ASMT: variants seen among roughly 807,000 people sequenced by gnomAD.
The protein encoded by ASMT is acetylserotonin N-methyltransferase.
A neutral mutation model predicts 41.3 loss-of-function variants in ASMT; 53 were observed. That is an observed-to-expected ratio of 1.28 (90% CI 1.03 to 1.61). The LOEUF is 1.61. ASMT is among the 40% of genes most tolerant of loss of function. ASMT has a pLI of 0.00. For missense variants in ASMT, 531 were observed against 441.3 expected, an observed-to-expected ratio of 1.20 and a Z score of -1.82; for synonymous variants, 231 against 184.8, an observed-to-expected ratio of 1.25 and a Z score of -2.03.
intron 1 of ASMT, 84 bp downstream of exon 1, chrX:1,615,352 G>C (rs1934043619): frequency 7.8e-7 from 1 of 1,282,596 alleles, no homozygotes; most frequent in Non-Finnish European, 1.1e-6. Context: ...CGAGAAAAAT[G>C]ATGAGTCTCC....
intron 1 of ASMT, among the ~76,000 whole-genome samples, chrX:1,616,005 C>G (rs1351420668): frequency 6.6e-6 from 1 of 151,644 alleles, no homozygotes; most frequent in Non-Finnish European, 1.5e-5. Flanking sequence ...TGAGGGTTCA[C>G]CCGTAGAGGA....
chrX:1,642,941 C>T lies in ASMT; in HGVS notation c.1049C>T (p.Ser350Phe), dbSNP rs1603462040. The change falls in exon 9 of 9, where the codon TCT becomes TTT. Residue 350 changes from serine (S) to phenylalanine (F), a missense_variant. Transcript: ENST00000381241. ...RTPTHYHMLL[S>F]SAGFRDFQFK... ...CCCACCCACTACCACATGCTCCTCT[C>T]TTCTGCTGGCTTCAGAGACTTCCAG... 1.9e-6 allele frequency: 3 copies of T among 1,613,984 alleles called. No individual in the cohort carries two copies. Among genetic ancestry groups the T allele is most frequent in the Non-Finnish European group, 8.5e-7 (1 of 1,179,876 alleles).
chrX:1,628,603 C>CA (rs1345493456), intron 4 of ASMT, among the ~76,000 whole-genome samples: 2 of 150,352 alleles, frequency 1.3e-5, no homozygotes, highest in Non-Finnish European at 3.0e-5. Context: ...CTGCTCTCCC[C>CA]TCCCCTCTCT....
intron 1 of ASMT, among the ~76,000 whole-genome samples, chrX:1,616,170 A>G (rs1210391655): frequency 2.8e-5 from 4 of 143,852 alleles, no homozygotes; most frequent in East Asian, 2.0e-4. Flanking sequence ...CTGGGATTAC[A>G]GGCACCCACC....
chrX:1,623,526 G>C (rs1455802866), intron 2 of ASMT, among the ~76,000 whole-genome samples: 3 of 152,164 alleles, frequency 2.0e-5, no homozygotes, highest in Non-Finnish European at 2.9e-5. Context: ...ATGAACCCGG[G>C]AGGCAGAGGT....
chrX:1,628,351 C>T (rs1386483810), intron 4 of ASMT, among the ~76,000 whole-genome samples: 3 of 152,084 alleles, frequency 2.0e-5, no homozygotes, highest in African/African-American at 7.2e-5. Context: ...TATAGAGGCC[C>T]AGTTTTTGAT....
intron 1 of ASMT, among the ~76,000 whole-genome samples, chrX:1,620,041 C>T (rs867905610): frequency 6.0e-5 from 9 of 150,228 alleles, no homozygotes; most frequent in South Asian, 2.1e-4. Flanking sequence ...TGCTGTGAGC[C>T]GAGATCGCAC....
intron 7 of ASMT, among the ~76,000 whole-genome samples, chrX:1,634,661 C>CA (rs1169472157): frequency 3.3e-5 from 5 of 150,462 alleles, no homozygotes; most frequent in African/African-American, 4.9e-5. Flanking sequence ...TAACCCCCCC[C>CA]CTTTTTTTTT....
chrX:1,627,693 C>G lies in ASMT; in HGVS notation c.375-10C>G, dbSNP rs753870880. 19 of 1,609,268 alleles carry G rather than the reference C, an allele frequency of 1.2e-5. No homozygotes were observed. Among genetic ancestry groups the G allele is most frequent in the East Asian group, 4.5e-5 (2 of 44,844 alleles). On this transcript the variant is annotated splice_polypyrimidine_tract_variant and intron_variant, in intron 3 of 8. Coordinates refer to ENST00000381241, the MANE Select transcript of ASMT (RefSeq NM_001171038.2). ...TGAAATGAAAATCAGCCTTCTCTCT[C>G]TTTTCTTAGAGAAGGAAGGAACCAG...
At chrX:1,628,584 T>C in intron 4 of ASMT, among the ~76,000 whole-genome samples, 1 of 146,022 alleles carries the variant, frequency 6.8e-6, no homozygotes, top group African/African-American at 2.5e-5. Flanking sequence ...CAACCTCTCC[T>C]CTCCTCCCCT....
chrX:1,628,450 C>G (rs1569376835), intron 4 of ASMT, among the ~76,000 whole-genome samples: 2 of 152,170 alleles, frequency 1.3e-5, no homozygotes, highest in Non-Finnish European at 2.9e-5. Context: ...TTGCCCGAAG[C>G]TCTTACCTAG....
At position 1,615,376 on chromosome X, in the gene ASMT, G is replaced by A; in HGVS notation, c.69+108G>A. Reference sequence around the variant, plus strand: ...TGATGAGTCTCCATCATTTTAGGAGGTTTATTTTCCACCGTGAAAGACGTA... The same window carrying A: ...TGATGAGTCTCCATCATTTTAGGAGATTTATTTTCCACCGTGAAAGACGTA... On this transcript the variant is annotated intron_variant, in intron 1 of 8. Coordinates refer to ENST00000381241, the MANE Select transcript of ASMT (RefSeq NM_001171038.2). 3 of 1,132,420 alleles carry A rather than the reference G, an allele frequency of 2.6e-6. No homozygotes were observed. In the Admixed American group the frequency reaches 5.9e-5, roughly 22 times the overall value. 70.1% of individuals were successfully genotyped at this position (1,132,420 alleles called of 1,614,324 possible).
At chrX:1,629,660 TC>T (rs1352506835) in intron 4 of ASMT, among the ~76,000 whole-genome samples, 160 bp from the exon 5 acceptor site, 1 of 152,084 alleles carries the variant, frequency 6.6e-6, no homozygotes, top group Non-Finnish European at 1.5e-5. Context: ...GACCTATGGT[TC>T]CCCCATCCCG....
At chrX:1,617,890 G>C (rs570333464) in intron 1 of ASMT, among the ~76,000 whole-genome samples, 2 of 152,230 alleles carry the variant, frequency 1.3e-5, no homozygotes, top group South Asian at 4.1e-4. Context: ...TATCATGGCT[G>C]TGGTTTGCCA....
In ASMT at chrX:1,635,232, G is replaced by A. The variant is rs149034988; in HGVS notation, c.788-1206G>A. The stretch of plus-strand genomic sequence containing the variant: ...ATCTCCTGATCTCGTGATCTGCCCC[G>A]CTCAGACTCCCAAAGTGCTGGGATT... On this transcript the variant is annotated intron_variant, in intron 7 of 8. Coordinates refer to ENST00000381241, the MANE Select transcript of ASMT (RefSeq NM_001171038.2). 3.4e-3 allele frequency among the ~76,000 whole-genome samples: 453 copies of A among 135,132 alleles called. 8 individuals carry two copies. Among genetic ancestry groups the A allele is most frequent in the African/African-American group, 0.012 (429 of 35,824 alleles). The allele number at this position is 135,132 out of a possible 152,430, so 88.7% of individuals were successfully genotyped here. A position where few individuals can be genotyped will look rare whatever the true frequency, so the allele number is the denominator to read the frequency against.
intron 7 of ASMT, among the ~76,000 whole-genome samples, chrX:1,635,794 G>C (rs1288079712): frequency 6.6e-6 from 1 of 151,630 alleles, no homozygotes; most frequent in Admixed American, 6.6e-5. Flanking sequence ...ACCAGGAGGT[G>C]GAGGTTGCGG....
intron 1 of ASMT, among the ~76,000 whole-genome samples, chrX:1,617,905 G>A (rs1164407907): frequency 5.9e-5 from 9 of 152,126 alleles, no homozygotes; most frequent in Admixed American, 1.3e-4. Flanking sequence ...TTGCCAGTAC[G>A]CTCATGGTTG....
Position 1,633,300 on chromosome X carries a change from T to G in ASMT, c.787+10T>G. The stretch of plus-strand genomic sequence containing the variant: ...ATTGACTTCCAGGAAGGTGTGTTTG[T>G]GTCCGTGGGGAAGCAGAGATGTGTC... On this transcript the variant is annotated intron_variant, in intron 7 of 8. Coordinates refer to ENST00000381241, the MANE Select transcript of ASMT (RefSeq NM_001171038.2). 1 of 1,613,894 alleles carries G rather than the reference T, an allele frequency of 6.2e-7. No homozygotes were observed. Among genetic ancestry groups the G allele is most frequent in the Non-Finnish European group, 8.5e-7 (1 of 1,179,848 alleles).
At chrX:1,635,068 G>A (rs1411692752) in intron 7 of ASMT, among the ~76,000 whole-genome samples, 1 of 146,170 alleles carries the variant, frequency 6.8e-6, no homozygotes, top group East Asian at 2.0e-4. Context: ...TCCACCTCCC[G>A]GGTTCACACC....
Sources: gnomAD v4.1 joint callset for allele counts (sites outside exome capture counted in the v4.1 genomes callset) on GRCh38, gnomAD v4.1.1 for gene constraint, MANE v1.5 for transcripts, NCBI Gene and HGNC (gene_info 2026-07-23, HGNC 2026-07-21) for gene names.